The following EPG5 variants were observed in gnomAD, a reference collection of about 807,000 sequenced individuals.
The protein encoded by EPG5 is ectopic P granules protein 5 homolog.
A neutral mutation model predicts 302.7 loss-of-function variants in EPG5; 159 were observed. That is an observed-to-expected ratio of 0.53 (90% CI 0.46 to 0.60). The LOEUF (loss-of-function observed/expected upper bound fraction) is 0.60, where lower values mean the gene tolerates loss of function less well. Ranked by LOEUF, EPG5 falls within the 20% of genes least tolerant of loss-of-function variation. EPG5 has a pLI of 0.00. For synonymous variants in EPG5, 1,158 were observed against 1,136.8 expected, an observed-to-expected ratio of 1.02 and a Z score of -0.37; for missense variants, 2,896 against 3,092.4, an observed-to-expected ratio of 0.94 and a Z score of 1.51.
the EPG5 span, among the ~76,000 whole-genome samples, chr18:45,809,414 T>C: frequency 6.6e-6 from 1 of 152,186 alleles, no homozygotes; most frequent in Admixed American, 6.5e-5. Flanking sequence ...AACTGCAGAC[T>C]ATACATTCTA....
intron 10 of EPG5, among the ~76,000 whole-genome samples, chr18:45,937,669 A>ATCCC (rs1479455865): frequency 7.2e-5 from 11 of 151,820 alleles, no homozygotes; most frequent in African/African-American, 2.7e-4. Context: ...AGCCTACCAA[A>ATCCC]GTGCTGGGAT....
intron 1 of EPG5, among the ~76,000 whole-genome samples, chr18:45,958,380 G>GAAAAAGAAC (rs1489464566): frequency 2.6e-5 from 4 of 152,194 alleles, no homozygotes; most frequent in African/African-American, 9.6e-5. Context: ...AGAAAATCTT[G>GAAAAAGAAC]AAAAAGAACA....
intron 37 of EPG5, 36 bp downstream of exon 37, chr18:45,867,527 C>A: frequency 6.3e-7 from 1 of 1,582,668 alleles, no homozygotes; most frequent in Non-Finnish European, 8.7e-7. Context: ...TCTAAGCAGC[C>A]TTGCCGAATT....
the EPG5 span, among the ~76,000 whole-genome samples, chr18:45,803,508 C>A: frequency 1.3e-5 from 2 of 152,150 alleles, no homozygotes; most frequent in African/African-American, 4.8e-5. Flanking sequence ...TCCTGAGGGG[C>A]AGCTAAAACT....
At chr18:45,860,449 T>A in intron 39 of EPG5, 103 bp from the exon 40 acceptor site, 1 of 1,453,340 alleles carries the variant, frequency 6.9e-7, no homozygotes, top group Non-Finnish European at 9.5e-7. Flanking sequence ...TCCAGGCAGA[T>A]TTTACAGTGC....
chr18:45,869,841 A>G (rs1238953449), intron 36 of EPG5, among the ~76,000 whole-genome samples: 2 of 152,114 alleles, frequency 1.3e-5, no homozygotes, highest in East Asian at 3.8e-4. Flanking sequence ...CTCAACAATA[A>G]ATGTGACAGT....
intron 39 of EPG5, among the ~76,000 whole-genome samples, chr18:45,861,620 A>G (rs932364328): frequency 2.6e-5 from 4 of 152,220 alleles, no homozygotes; most frequent in African/African-American, 7.2e-5. Flanking sequence ...GTTTTTTTCC[A>G]TAAGATTTAT....
chr18:45,929,105 C>A, intron 12 of EPG5, 96 bp from the exon 13 acceptor site: 3 of 1,268,272 alleles, frequency 2.4e-6, no homozygotes, highest in Non-Finnish European at 3.3e-6. Context: ...CAGAAAGAAT[C>A]TTACATTGAG....
At position 45,912,472 on chromosome 18, in the gene EPG5, G is replaced by A. The variant is rs763079429; in HGVS notation, c.3817-16C>T. The A allele has an allele frequency of 1.3e-6, 2 of 1,581,766 alleles. No homozygotes were observed. The highest frequency in any genetic ancestry group is 1.2e-5 in the South Asian group (1 of 84,452). On this transcript the variant is annotated splice_polypyrimidine_tract_variant and intron_variant, in intron 21 of 43. Coordinates refer to ENST00000282041, the MANE Select transcript of EPG5 (RefSeq NM_020964.3). Reference sequence around the variant, plus strand: ...TCTGGGCTTTCTACAAAAAAGAAAGGGCTTTGAGTAGCCACAAAATGAACA... The same window carrying A: ...TCTGGGCTTTCTACAAAAAAGAAAGAGCTTTGAGTAGCCACAAAATGAACA...
chr18:45,837,266 G>C, the EPG5 span, among the ~76,000 whole-genome samples: 3 of 152,234 alleles, frequency 2.0e-5, no homozygotes, highest in Middle Eastern at 3.2e-3. Context: ...CCAGGGAAGA[G>C]CCGCGGGAAC....
chr18:45,935,609 G>A (rs2050505649), intron 10 of EPG5, among the ~76,000 whole-genome samples: 1 of 97,354 alleles, frequency 1.0e-5, no homozygotes, highest in Non-Finnish European at 1.7e-5. Context: ...GGCGCACACA[G>A]GTACTAAGGC....
chr18:45,913,580 G>T, intron 21 of EPG5, 126 bp downstream of exon 21: 1 of 1,157,758 alleles, frequency 8.6e-7, no homozygotes, highest in Non-Finnish European at 1.2e-6. Flanking sequence ...GTATTGGTTT[G>T]GTTGTTGAGC....
intron 33 of EPG5, 42 bp downstream of exon 33, chr18:45,878,971 A>G (rs906223827): frequency 2.0e-6 from 3 of 1,516,634 alleles, no homozygotes; most frequent in Non-Finnish European, 2.7e-6. Flanking sequence ...CTTAATGGAA[A>G]GTCCAAACAC....
At chr18:45,959,667 T>TAAAC (rs2143859553) in intron 1 of EPG5, among the ~76,000 whole-genome samples, 1 of 117,316 alleles carries the variant, frequency 8.5e-6, no homozygotes, top group South Asian at 2.5e-4. Context: ...TCTAAATAAA[T>TAAAC]AAATAAATAA....
In EPG5 at chr18:45,866,965, A is replaced by G. The variant is rs753673177; in HGVS notation, c.6454T>C (p.Ser2152Pro). 6.2e-7 allele frequency: 1 copy of G among 1,614,222 alleles called. No homozygotes were observed. ...GACACAATATCCACAAGATGCCATG[A>G]AAGTGAGCTTGTCTGTCCAAGGAGA... is the stretch of plus-strand genomic sequence containing the variant. Reference protein sequence around the residue: ...LSLLGQTSSLSWHLVDIVSYQ... With the variant: ...LSLLGQTSSLPWHLVDIVSYQ... The change falls in exon 38 of 44, where the codon TCA becomes CCA. Residue 2152 changes from serine (S) to proline (P), a missense_variant. Ser to Pro is a moderately conservative substitution (Grantham distance 74). Coordinates refer to ENST00000282041, the MANE Select transcript of EPG5 (RefSeq NM_020964.3).
At position 45,851,452 on chromosome 18, in the gene EPG5, T is replaced by C. The variant is rs1018617802; in HGVS notation, c.*1015A>G. The C allele has an allele frequency of 1.3e-5, 2 of 152,188 alleles. No individual in the cohort carries two copies. Among genetic ancestry groups the C allele is most frequent in the African/African-American group, 4.8e-5 (2 of 41,414 alleles). The allele number at this position is 152,188 out of a possible 1,614,324, so 9.4% of individuals were successfully genotyped here. ...AAAAAAAGCCAAATTTCAGTAGATC[T>C]CCCGACCTGACCCAGTTTCCACAGA... is the stretch of plus-strand genomic sequence containing the variant. On this transcript the variant is annotated 3_prime_UTR_variant, in exon 44 of 44. Coordinates refer to ENST00000282041, the MANE Select transcript of EPG5 (RefSeq NM_020964.3).
Position 45,943,158 on chromosome 18 carries a change from T to G in EPG5, c.1943+3A>C. On this transcript the variant is annotated splice_donor_region_variant and intron_variant, in intron 9 of 43. Transcript: ENST00000282041. Reference sequence around the variant, plus strand: ...GAGAAGGGTAGAGCAACAGCAGTATTACCTGATCATATAACCAATTCGCTT... The same window carrying G: ...GAGAAGGGTAGAGCAACAGCAGTATGACCTGATCATATAACCAATTCGCTT... The G allele has an allele frequency of 1.2e-6, 2 of 1,614,096 alleles. No individual in the cohort carries two copies. Among genetic ancestry groups the G allele is most frequent in the Non-Finnish European group, 1.7e-6 (2 of 1,179,966 alleles).
chr18:45,876,161 G>C (rs1356245550), intron 35 of EPG5, 75 bp downstream of exon 35: 2 of 975,752 alleles, frequency 2.0e-6, no homozygotes, highest in Non-Finnish European at 3.2e-6. Context: ...ATTAAATAGA[G>C]GAAAGTAGAA....
chr18:45,845,055 G>A (rs2048353276), downstream of EPG5, among the ~76,000 whole-genome samples: 1 of 152,190 alleles, frequency 6.6e-6, no homozygotes, highest in African/African-American at 2.4e-5. Context: ...TCCTTTTGAA[G>A]TTTGTTGTTT....
Sources: allele counts gnomAD v4.1 joint callset (sites outside exome capture counted in the v4.1 genomes callset), GRCh38; gene constraint gnomAD v4.1.1; transcripts MANE v1.5; gene names NCBI Gene and HGNC (gene_info 2026-07-23, HGNC 2026-07-21).